The following SYT6 variants were observed in gnomAD, a reference collection of about 807,000 sequenced individuals.
SYT6 encodes the protein synaptotagmin 6.
Under a neutral mutation model 38.4 loss-of-function variants are expected in SYT6, and 24 were observed. That is an observed-to-expected ratio of 0.62 (90% CI 0.45 to 0.88). SYT6 has a LOEUF of 0.88. Among genes scored for constraint, SYT6 ranks in the 40% least tolerant of loss-of-function variants. The pLI, the probability that SYT6 is intolerant of heterozygous loss-of-function variation, is 0.00. For missense variants in SYT6, 611 were observed against 621.0 expected (o/e 0.98, Z 0.17); for synonymous variants, 265 against 241.9 (o/e 1.10, Z -0.89).
At chr1:114,117,372 A>T (rs1263662979) in intron 3 of SYT6, among the ~76,000 whole-genome samples, 1 of 152,262 alleles carries the variant, frequency 6.6e-6, no homozygotes, top group Non-Finnish European at 1.5e-5. Flanking sequence ...ACATGGAGGC[A>T]GGTGGTGGCA....
chr1:114,143,522 GTATATATA>G (rs1678985861), intron 1 of SYT6, among the ~76,000 whole-genome samples: 1 of 147,338 alleles, frequency 6.8e-6, no homozygotes, highest in South Asian at 2.1e-4. Context: ...ACTTATATGT[GTATATATA>G]CATATAAGTT....
intron 3 of SYT6, among the ~76,000 whole-genome samples, chr1:114,105,199 T>C (rs1043563663): frequency 1.3e-5 from 2 of 152,148 alleles, no homozygotes; most frequent in African/African-American, 4.8e-5. Flanking sequence ...AAGACCTCTC[T>C]AAGGAGATAA....
chr1:114,151,533 A>G (rs1464973552), intron 1 of SYT6, among the ~76,000 whole-genome samples: 2 of 152,086 alleles, frequency 1.3e-5, no homozygotes, highest in Non-Finnish European at 2.9e-5. Flanking sequence ...TGTGCTGCAC[A>G]CATACAGCCC....
intron 4 of SYT6, among the ~76,000 whole-genome samples, chr1:114,102,120 C>A (rs1261970648): frequency 6.6e-6 from 1 of 152,172 alleles, no homozygotes; most frequent in Non-Finnish European, 1.5e-5. Flanking sequence ...TTTAATTACA[C>A]CAGAGAAGAT....
chr1:114,114,346 G>A (rs1676866253), intron 3 of SYT6, among the ~76,000 whole-genome samples: 3 of 152,172 alleles, frequency 2.0e-5, no homozygotes, highest in Admixed American at 1.3e-4. Context: ...TACTGAGCAC[G>A]GTGCCTGGTG....
chr1:114,151,979 A>C (rs1158901280), intron 1 of SYT6, among the ~76,000 whole-genome samples: 3 of 152,108 alleles, frequency 2.0e-5, no homozygotes, highest in Non-Finnish European at 2.9e-5. Context: ...CATTGACTAA[A>C]CATTGCCACA....
Position 114,137,783 on chromosome 1 carries a change from A to C in SYT6, c.783T>G (p.Phe261Leu). 1 of 1,614,120 alleles carries C rather than the reference A, an allele frequency of 6.2e-7. No individual in the cohort carries two copies. Among genetic ancestry groups the C allele is most frequent in the Non-Finnish European group, 8.5e-7 (1 of 1,180,020 alleles). The change falls in exon 3 of 8, where the codon TTT becomes TTG. Residue 261 changes from phenylalanine (F) to leucine (L), a missense_variant. Physicochemically the swap from Phe to Leu is conservative, Grantham distance 22. Transcript: ENST00000610222. ...LKAFDLPAKD[F>L]CGSSDPYVKI... Reference sequence around the variant, plus strand: ...TGACATAAGGGTCAGAGCTTCCACAAAAGTCCTTGGCAGGGAGGTCAAAAG... The same window carrying C: ...TGACATAAGGGTCAGAGCTTCCACACAAGTCCTTGGCAGGGAGGTCAAAAG...
intron 3 of SYT6, 151 bp from the exon 4 acceptor site, chr1:114,103,872 C>T: frequency 1.0e-6 from 1 of 953,314 alleles, no homozygotes; most frequent in South Asian, 1.8e-5. Flanking sequence ...GGCCTCCATG[C>T]TGCAAGTAAC....
intron 1 of SYT6, among the ~76,000 whole-genome samples, chr1:114,144,693 C>T (rs1458111286): frequency 1.3e-5 from 2 of 152,092 alleles, no homozygotes; most frequent in Admixed American, 6.5e-5. Context: ...AAGTTCTGAG[C>T]AAGGCTTGAA....
intron 1 of SYT6, among the ~76,000 whole-genome samples, chr1:114,143,051 T>A (rs1406698302): frequency 6.6e-6 from 1 of 151,444 alleles, no homozygotes; most frequent in Non-Finnish European, 1.5e-5. Context: ...ACCATATGAA[T>A]AGGATTCACC....
intron 1 of SYT6, among the ~76,000 whole-genome samples, chr1:114,145,643 G>A (rs1679120740): frequency 6.6e-6 from 1 of 151,888 alleles, no homozygotes; most frequent in Admixed American, 6.6e-5. Context: ...TACATATCTG[G>A]CCATCTCTAG....
chr1:114,137,688 G>A lies in SYT6; in HGVS notation c.878C>T (p.Thr293Ile), dbSNP rs41274114. ...AGGGAAGTGGAAGTTCTCATCAAAG[G>A]TGGGGTTCAGGGTCTTGCGGTGCAC... ...TRVHRKTLNP[T>I]FDENFHFPVP... The change falls in exon 3 of 8, where the codon ACC becomes ATC. Residue 293 changes from threonine to isoleucine, a missense_variant. Coordinates refer to ENST00000610222, the MANE Select transcript of SYT6 (RefSeq NM_001253772.2). The A allele has an allele frequency of 0.18, 282,639 of 1,613,994 alleles. 25,384 individuals carry two copies. Among genetic ancestry groups the A allele is most frequent in the Middle Eastern group, 0.27 (1,643 of 6,062 alleles).
intron 1 of SYT6, among the ~76,000 whole-genome samples, chr1:114,143,938 T>C (rs1386175195): frequency 1.3e-5 from 2 of 151,962 alleles, no homozygotes; most frequent in Non-Finnish European, 2.9e-5. Context: ...CTCTCCAAAT[T>C]TGGGAATGAA....
chr1:114,110,398 G>A (rs1676604770), intron 3 of SYT6, among the ~76,000 whole-genome samples: 1 of 152,184 alleles, frequency 6.6e-6, no homozygotes, highest in African/African-American at 2.4e-5. Flanking sequence ...TAGTGAGTGG[G>A]TGTGCGGCCG....
intron 1 of SYT6, among the ~76,000 whole-genome samples, chr1:114,151,014 C>T (rs1679413882): frequency 6.6e-6 from 1 of 152,178 alleles, no homozygotes; most frequent in Admixed American, 6.5e-5. Context: ...AAATGGTAAA[C>T]AGAGCTGGGC....
intron 1 of SYT6, among the ~76,000 whole-genome samples, chr1:114,141,830 CT>C (rs1435718022): frequency 6.6e-6 from 1 of 152,150 alleles, no homozygotes; most frequent in African/African-American, 2.4e-5. Context: ...TCCTACGGCC[CT>C]TAAGAATTAT....
intron 4 of SYT6, among the ~76,000 whole-genome samples, chr1:114,102,119 A>C (rs1192541891): frequency 6.6e-6 from 1 of 152,162 alleles, no homozygotes; most frequent in Non-Finnish European, 1.5e-5. Context: ...ATTTAATTAC[A>C]CCAGAGAAGA....
In SYT6 at chr1:114,137,567, C is replaced by T. The variant is rs1244513018; in HGVS notation, c.999G>A (p.Leu333=). ...SRHDMIGEVI[L]DNLFEASDLS... ...GGTCAGAGGCCTCAAAGAGGTTGTC[C>T]AGGATGACCTCGCCAATCATGTCAT... The change falls in exon 3 of 8, where the codon CTG becomes CTA. Residue 333 remains leucine (L), a synonymous_variant. Transcript: ENST00000610222. The T allele has an allele frequency of 6.2e-7, 1 of 1,614,176 alleles. No individual in the cohort carries two copies. The highest frequency in any genetic ancestry group is 8.5e-7 in the Non-Finnish European group (1 of 1,180,020).
At chr1:114,107,704 G>C (rs547018708) in intron 3 of SYT6, among the ~76,000 whole-genome samples, 5 of 152,342 alleles carry the variant, frequency 3.3e-5, no homozygotes, top group Non-Finnish European at 4.4e-5. Flanking sequence ...TCTCCTGGTA[G>C]TCACTCTCTC....
Sources: allele counts gnomAD v4.1 joint callset (sites outside exome capture counted in the v4.1 genomes callset), GRCh38; gene constraint gnomAD v4.1.1; transcripts MANE v1.5; gene names NCBI Gene and HGNC (gene_info 2026-07-23, HGNC 2026-07-21).